ANTXR1: variants seen among roughly 807,000 people sequenced by gnomAD.
The protein encoded by ANTXR1 is ANTXR cell adhesion molecule 1.
A neutral mutation model predicts 78.1 loss-of-function variants in ANTXR1; 19 were observed. The observed-to-expected ratio is 0.24, with a 90% CI of 0.17 to 0.36. ANTXR1 has a LOEUF of 0.36. Ranked by LOEUF, ANTXR1 falls within the 10% of genes least tolerant of loss-of-function variation. The pLI is 1.00. For missense variants in ANTXR1, 518 were observed against 718.6 expected, an observed-to-expected ratio of 0.72 and a Z score of 3.19; for synonymous variants, 273 against 260.5, an observed-to-expected ratio of 1.05 and a Z score of -0.46.
intron 17 of ANTXR1, among the ~76,000 whole-genome samples, chr2:69,212,603 A>G (rs145866885): frequency 1.5e-3 from 221 of 152,348 alleles, no homozygotes; most frequent in African/African-American, 4.9e-3. Flanking sequence ...CAGCATATGT[A>G]TCCATTTCTT....
chr2:69,148,193 C>T (rs1673283243), intron 12 of ANTXR1, among the ~76,000 whole-genome samples: 1 of 150,894 alleles, frequency 6.6e-6, no homozygotes, highest in Non-Finnish European at 1.5e-5. Context: ...AGCCACACTC[C>T]TCAGCCTGGC....
intron 17 of ANTXR1, among the ~76,000 whole-genome samples, chr2:69,195,065 G>A (rs974099592): frequency 2.0e-5 from 3 of 151,788 alleles, no homozygotes; most frequent in Admixed American, 6.6e-5. Flanking sequence ...CTACTTGGGA[G>A]GTTGAGGCAG....
At chr2:69,112,828 G>A (rs190844090) in intron 10 of ANTXR1, among the ~76,000 whole-genome samples, 270 of 152,312 alleles carry the variant, frequency 1.8e-3, no homozygotes, top group Non-Finnish European at 2.8e-3. Context: ...CTCCTGCAGA[G>A]ACTGTGTTAG....
chr2:69,099,526 T>A (rs533280541), intron 9 of ANTXR1, among the ~76,000 whole-genome samples: 32 of 152,312 alleles, frequency 2.1e-4, no homozygotes, highest in African/African-American at 7.5e-4. Flanking sequence ...GCTAAACTAT[T>A]TTTCAAAGAG....
At chr2:69,200,278 C>T (rs1674742930) in intron 17 of ANTXR1, among the ~76,000 whole-genome samples, 1 of 152,196 alleles carries the variant, frequency 6.6e-6, no homozygotes, top group African/African-American at 2.4e-5. Context: ...CCCAGGGAAA[C>T]ACACACGTAA....
chr2:69,135,130 C>G (rs73934746), intron 12 of ANTXR1: 50,203 of 347,904 alleles, frequency 0.14, 4,335 homozygotes, highest in East Asian at 0.4. Flanking sequence ...TTTTGACAAC[C>G]CTTGTAACCC....
At chr2:69,025,832 A>G (rs898865060) in intron 1 of ANTXR1, among the ~76,000 whole-genome samples, 2 of 152,216 alleles carry the variant, frequency 1.3e-5, no homozygotes, top group Admixed American at 6.5e-5. Context: ...ATAATTATGA[A>G]TGTCTTCTTC....
At chr2:69,180,606 G>T (rs1674250467) in intron 14 of ANTXR1, among the ~76,000 whole-genome samples, 1 of 152,170 alleles carries the variant, frequency 6.6e-6, no homozygotes, top group Admixed American at 6.5e-5. Context: ...TGCTTTATTT[G>T]AGTCATCTTA....
Position 69,013,284 on chromosome 2 carries a change from G to T in ANTXR1, c.-216G>T. On this transcript the variant is annotated 5_prime_UTR_variant, in exon 1 of 18. Coordinates refer to ENST00000303714, the MANE Select transcript of ANTXR1 (RefSeq NM_032208.3). This position sits in a 1 kb window ranked among gnomAD's most constrained non-coding sequence, Gnocchi z 5.0. Reference sequence around the variant, plus strand: ...TAAAAGAAGCGGAGGACAGGATTGGGATCCTTGAAACCCGAAACCCAGAAA... The same window carrying T: ...TAAAAGAAGCGGAGGACAGGATTGGTATCCTTGAAACCCGAAACCCAGAAA... The T allele has an allele frequency of 1.5e-6, 1 of 678,542 alleles. No homozygotes were observed. The highest frequency in any genetic ancestry group is 1.8e-5 in the South Asian group (1 of 54,596). 42.0% of individuals were successfully genotyped at this position (678,542 alleles called of 1,614,324 possible). A position where few individuals can be genotyped will look rare whatever the true frequency, so the allele number is the denominator to read the frequency against.
intron 17 of ANTXR1, among the ~76,000 whole-genome samples, chr2:69,224,877 T>C (rs1377553253): frequency 6.6e-6 from 1 of 152,190 alleles, no homozygotes; most frequent in Non-Finnish European, 1.5e-5. Flanking sequence ...AAAGAAATCT[T>C]CTTGGAGATT....
chr2:69,228,901 A>T (rs934570720), intron 17 of ANTXR1, among the ~76,000 whole-genome samples: 2 of 152,262 alleles, frequency 1.3e-5, no homozygotes, highest in East Asian at 3.9e-4. Context: ...AACAACAGAA[A>T]TTTATTTTCT....
At chr2:69,069,501 G>C (rs545732711) in intron 3 of ANTXR1, among the ~76,000 whole-genome samples, 3 of 152,308 alleles carry the variant, frequency 2.0e-5, no homozygotes, top group Admixed American at 2.0e-4. Flanking sequence ...GACAGTGTTA[G>C]GAACTGCCAT....
intron 1 of ANTXR1, among the ~76,000 whole-genome samples, chr2:69,014,110 G>A (rs1670951723): frequency 6.6e-6 from 1 of 152,146 alleles, no homozygotes; most frequent in Admixed American, 6.6e-5. Context: ...GTTTTGAAAC[G>A]CTGTCCCACG....
At chr2:69,121,499 C>T (rs772308226) in intron 10 of ANTXR1, among the ~76,000 whole-genome samples, 18 of 152,204 alleles carry the variant, frequency 1.2e-4, no homozygotes, top group Non-Finnish European at 2.2e-4. Context: ...CCAATGGGGA[C>T]GTTGTGCTTA....
At position 69,026,875 on chromosome 2, in the gene ANTXR1, T is replaced by C. The variant is rs79990972; in HGVS notation, c.153-13169T>C. 4.5e-3 allele frequency among the ~76,000 whole-genome samples: 690 copies of C among 152,302 alleles called. 4 individuals are homozygous for C. Among genetic ancestry groups the C allele is most frequent in the Non-Finnish European group, 8.3e-3 (565 of 68,028 alleles). On this transcript the variant is annotated intron_variant, in intron 1 of 17. Coordinates refer to ENST00000303714, the MANE Select transcript of ANTXR1 (RefSeq NM_032208.3). ...CCCAAAAGAAAAAGCCTGAAGAAAGTGTCTAGGAGACGCTGCATCGGGTCC... is the reference window on the plus strand; with the variant it reads ...CCCAAAAGAAAAAGCCTGAAGAAAGCGTCTAGGAGACGCTGCATCGGGTCC...
chr2:69,080,026 C>T (rs1329065620), intron 8 of ANTXR1, among the ~76,000 whole-genome samples: 9 of 152,280 alleles, frequency 5.9e-5, no homozygotes, highest in Non-Finnish European at 1.2e-4. Flanking sequence ...GCGAAACTAT[C>T]GTTCAAAATA....
chr2:69,047,236 G>C (rs1315938931), intron 3 of ANTXR1, among the ~76,000 whole-genome samples: 3 of 151,912 alleles, frequency 2.0e-5, no homozygotes, highest in Non-Finnish European at 4.4e-5. Context: ...TCAGTTCTTG[G>C]GATCAAATAC....
intron 12 of ANTXR1, chr2:69,145,464 T>C: frequency 3.3e-6 from 5 of 1,531,154 alleles, no homozygotes; most frequent in Non-Finnish European, 4.4e-6. Flanking sequence ...ACTTTCCTTA[T>C]TTACTGAATG....
At chr2:69,150,529 G>C (rs1436944899) in intron 12 of ANTXR1, among the ~76,000 whole-genome samples, 1 of 152,026 alleles carries the variant, frequency 6.6e-6, no homozygotes, top group Non-Finnish European at 1.5e-5. Flanking sequence ...ATGAAAGAAA[G>C]AAAATAGATT....
Sources: allele counts gnomAD v4.1 joint callset (sites outside exome capture counted in the v4.1 genomes callset), GRCh38; gene constraint gnomAD v4.1.1; non-coding constraint Gnocchi (gnomAD v3.1); transcripts MANE v1.5; gene names NCBI Gene and HGNC (gene_info 2026-07-23, HGNC 2026-07-21).